Variants in RAB11FIP3 observed in about 807,000 individuals in gnomAD.
The protein encoded by RAB11FIP3 is rab11 family-interacting protein 3.
Under a neutral mutation model 77.8 loss-of-function variants are expected in RAB11FIP3, and 17 were observed. The ratio of observed to expected loss-of-function variants is 0.22; its 90% CI spans 0.15 to 0.33. The LOEUF is 0.33. RAB11FIP3 is among the 10% of genes least tolerant of loss of function. The pLI, the probability that RAB11FIP3 is intolerant of heterozygous loss-of-function variation, is 1.00. For synonymous variants in RAB11FIP3, 437 were observed against 448.2 expected (o/e 0.98, Z 0.31); for missense variants, 1,005 against 1,011.2 (o/e 0.99, Z 0.08).
chr16:456,883 G>A (rs1438968263), intron 1 of RAB11FIP3, among the ~76,000 whole-genome samples: 2 of 152,252 alleles, frequency 1.3e-5, no homozygotes, highest in Admixed American at 1.3e-4. Flanking sequence ...TTAGAAAGAA[G>A]TGTCCGTGCC....
At chr16:468,252 G>T (rs2055748640) in intron 2 of RAB11FIP3, among the ~76,000 whole-genome samples, 2 of 124,158 alleles carry the variant, frequency 1.6e-5, no homozygotes, top group African/African-American at 6.3e-5. Flanking sequence ...TGGGGCGTCA[G>T]GGAGGAGGTG....
chr16:440,746 T>A (rs1207695753), intron 1 of RAB11FIP3, among the ~76,000 whole-genome samples: 2 of 152,242 alleles, frequency 1.3e-5, no homozygotes, highest in Admixed American at 1.3e-4. Context: ...ATGTTAGTTC[T>A]GGAGACCAGC....
In RAB11FIP3 at chr16:492,497, C is replaced by T. The variant is rs867155926; in HGVS notation, c.1265+3497C>T. Among the ~76,000 whole-genome samples, 23 of 110,324 alleles carry T rather than the reference C, an allele frequency of 2.1e-4. 1 individual carries two copies. The highest frequency in any genetic ancestry group is 4.2e-4 in the Non-Finnish European group (19 of 45,692). The allele number at this position is 110,324 out of a possible 152,430, so 72.4% of individuals were successfully genotyped here. On this transcript the variant is annotated intron_variant, in intron 5 of 13. Coordinates refer to ENST00000262305, the MANE Select transcript of RAB11FIP3 (RefSeq NM_014700.4). ...GGCCGCCCAGGGCCCTCCCGGGAGA[C>T]CCGAGGCCGCCCAGGGCCCTCCCGG...
At chr16:482,774 G>C in intron 4 of RAB11FIP3, 38 bp downstream of exon 4, 3 of 1,550,028 alleles carry the variant, frequency 1.9e-6, no homozygotes, top group Non-Finnish European at 2.6e-6. Context: ...AGAGGCCTTG[G>C]GATGTGGCAC....
rs1214148059 is a variant in RAB11FIP3, at chr16:496,064, T to C, written c.1266-760T>C. 2.0e-5 allele frequency among the ~76,000 whole-genome samples: 3 copies of C among 152,190 alleles called. No individual in the cohort carries two copies. The East Asian group carries it at 5.8e-4, about 29-fold the overall frequency. On this transcript the variant is annotated intron_variant, in intron 5 of 13. Transcript: ENST00000262305. The stretch of plus-strand genomic sequence containing the variant: ...CACGCCCGGCCCCTCCAGTAGACTT[T>C]TCTGCCTGACCCTGGAAAGAAAATC...
At chr16:485,484 C>T (rs1281826308) in intron 4 of RAB11FIP3, among the ~76,000 whole-genome samples, 1 of 151,928 alleles carries the variant, frequency 6.6e-6, no homozygotes, top group Admixed American at 6.6e-5. Flanking sequence ...GCCATCTTGG[C>T]TGACTGCAAC....
intron 1 of RAB11FIP3, among the ~76,000 whole-genome samples, chr16:457,533 C>T (rs1484164520): frequency 1.3e-5 from 2 of 150,590 alleles, no homozygotes; most frequent in Non-Finnish European, 2.9e-5. Flanking sequence ...TTTTGAAAGC[C>T]TCTGAATTGA....
At chr16:446,726 C>T (rs1403349609) in intron 1 of RAB11FIP3, among the ~76,000 whole-genome samples, 2 of 151,928 alleles carry the variant, frequency 1.3e-5, no homozygotes, top group Admixed American at 6.6e-5. Context: ...GACGCACTCT[C>T]GCTCTGTCGC....
rs1326925063 is a variant in RAB11FIP3, at chr16:461,949, G to A, written c.808+452G>A. ...TAATCAGCATGCTTCCGCGCACACCGCCCTGAACACTGCAGCCCGTACCAC... is the reference window on the plus strand; with the variant it reads ...TAATCAGCATGCTTCCGCGCACACCACCCTGAACACTGCAGCCCGTACCAC... On this transcript the variant is annotated intron_variant, in intron 2 of 13. Transcript: ENST00000262305. This position sits in a 1 kb window ranked among gnomAD's most constrained non-coding sequence, Gnocchi z 4.5. 2.6e-5 allele frequency among the ~76,000 whole-genome samples: 4 copies of A among 152,116 alleles called. No individual in the cohort carries two copies. The highest frequency in any genetic ancestry group is 1.9e-4 in the East Asian group (1 of 5,170).
At chr16:450,847 C>T (rs114647936) in intron 1 of RAB11FIP3, among the ~76,000 whole-genome samples, 1,389 of 133,080 alleles carry the variant, frequency 0.01, 18 homozygotes, top group African/African-American at 0.036. Context: ...CCGCCCCCCA[C>T]CCCACCCCAC....
intron 5 of RAB11FIP3, among the ~76,000 whole-genome samples, chr16:494,118 G>A (rs12919741): frequency 1.3e-5 from 1 of 77,294 alleles, no homozygotes; most frequent in Admixed American, 1.1e-4. Flanking sequence ...CTCAATCTCC[G>A]GACCTCGTGA....
intron 5 of RAB11FIP3, among the ~76,000 whole-genome samples, chr16:492,390 C>T (rs527661024): frequency 8.0e-5 from 11 of 137,270 alleles, no homozygotes; most frequent in South Asian, 4.5e-4. Context: ...CCGCCCAGAG[C>T]CCTCCCCGGG....
chr16:469,295 C>T (rs1271380612), intron 2 of RAB11FIP3, among the ~76,000 whole-genome samples: 2 of 152,068 alleles, frequency 1.3e-5, no homozygotes, highest in East Asian at 1.9e-4. Context: ...ACTATGGTCT[C>T]GAACTCCTGA....
At chr16:462,099 C>T (rs952882916) in intron 2 of RAB11FIP3, among the ~76,000 whole-genome samples, 1 of 152,232 alleles carries the variant, frequency 6.6e-6, no homozygotes, top group African/African-American at 2.4e-5. Flanking sequence ...CCTGGCAGTG[C>T]GGAGCCTGTC....
chr16:433,679 T>C (rs1039063181), intron 1 of RAB11FIP3, among the ~76,000 whole-genome samples: 2 of 150,630 alleles, frequency 1.3e-5, no homozygotes, highest in Non-Finnish European at 1.5e-5. Flanking sequence ...AAACCCTGTC[T>C]CTACTAAAAA....
intron 8 of RAB11FIP3, among the ~76,000 whole-genome samples, chr16:508,952 G>A (rs1056969330): frequency 6.8e-6 from 1 of 148,020 alleles, no homozygotes; most frequent in African/African-American, 2.5e-5. Context: ...TGCCCAGGCT[G>A]TAGTGCAGTG....
chr16:440,470 G>A (rs539524659), intron 1 of RAB11FIP3, among the ~76,000 whole-genome samples: 1 of 152,248 alleles, frequency 6.6e-6, no homozygotes, highest in South Asian at 2.1e-4. Flanking sequence ...GTGGCCCAAA[G>A]TCCAAGGGAG....
rs1470140247 is a variant in RAB11FIP3 at position 472,827 on chromosome 16, T to C, written c.903+1438T>C. On this transcript the variant is annotated intron_variant, in intron 3 of 13. Transcript: ENST00000262305. The surrounding 1 kb of genome is among the most constrained non-coding windows in gnomAD (Gnocchi z 4.1). Reference sequence around the variant, plus strand: ...GGAAAAAGGGTCTTTGCGGATGTAGTTCATTAAGGATCTCAAGGTGATATC... The same window carrying C: ...GGAAAAAGGGTCTTTGCGGATGTAGCTCATTAAGGATCTCAAGGTGATATC... Among the ~76,000 whole-genome samples, 1 of 152,090 alleles carries C rather than the reference T, an allele frequency of 6.6e-6. No homozygotes were observed. The highest frequency in any genetic ancestry group is 2.4e-5 in the African/African-American group (1 of 41,416).
At chr16:512,583 G>A (rs1422100830) in intron 9 of RAB11FIP3, among the ~76,000 whole-genome samples, 1 of 128,648 alleles carries the variant, frequency 7.8e-6, no homozygotes, top group Non-Finnish European at 1.6e-5. Context: ...TCACCCTGTC[G>A]CCCAGGCTAG....
Sources: gnomAD v4.1 joint callset for allele counts (sites outside exome capture counted in the v4.1 genomes callset) on GRCh38, gnomAD v4.1.1 for gene constraint, Gnocchi (gnomAD v3.1) non-coding constraint, MANE v1.5 for transcripts, NCBI Gene and HGNC (gene_info 2026-07-23, HGNC 2026-07-21) for gene names.